The following NTM variants were observed in gnomAD, a reference collection of about 807,000 sequenced individuals.
The protein encoded by NTM is IgLON family member 2.
Under a neutral mutation model 42.1 loss-of-function variants are expected in NTM, and 13 were observed. That is an observed-to-expected ratio of 0.31 (90% CI 0.20 to 0.49). NTM has a LOEUF of 0.49. Ranked by LOEUF, NTM falls within the 20% of genes least tolerant of loss-of-function variation. NTM has a pLI of 0.99. For missense variants in NTM, 373 were observed against 452.8 expected (o/e 0.82, Z 1.60); for synonymous variants, 187 against 179.2 (o/e 1.04, Z -0.35).
intron 1 of NTM, among the ~76,000 whole-genome samples, chr11:131,691,326 G>T (rs1317264842): frequency 6.6e-6 from 1 of 152,222 alleles, no homozygotes; most frequent in African/African-American, 2.4e-5. Flanking sequence ...TCGCCCCTGT[G>T]GGTCTGGGCC....
intron 1 of NTM, among the ~76,000 whole-genome samples, chr11:131,489,591 A>G (rs1449393545): frequency 6.6e-6 from 1 of 152,204 alleles, no homozygotes; most frequent in Non-Finnish European, 1.5e-5. Context: ...CTTCAGCCAC[A>G]GCTTTGATTT....
chr11:131,602,492 A>G (rs895859123), intron 1 of NTM, among the ~76,000 whole-genome samples: 2 of 152,200 alleles, frequency 1.3e-5, no homozygotes, highest in South Asian at 2.1e-4. Context: ...CACTCCCCAT[A>G]GAGTTCCCAG....
chr11:132,318,239 G>C (rs1049851512), intron 7 of NTM, among the ~76,000 whole-genome samples: 1 of 152,154 alleles, frequency 6.6e-6, no homozygotes, highest in South Asian at 2.1e-4. Context: ...GTAGCTCTTT[G>C]GTCTTGGGTG....
At chr11:131,436,563 A>G (rs1343621225) in intron 1 of NTM, among the ~76,000 whole-genome samples, 4 of 152,004 alleles carry the variant, frequency 2.6e-5, no homozygotes, top group Admixed American at 6.5e-5. Flanking sequence ...TTTCTAGTTT[A>G]TTTGCGTAGA....
At chr11:131,991,812 ACAGCAGGTC>A (rs2067073355) in intron 2 of NTM, among the ~76,000 whole-genome samples, 1 of 152,210 alleles carries the variant, frequency 6.6e-6, no homozygotes. Flanking sequence ...CAGGCAAGAA[ACAGCAGGTC>A]CAGGCATGCA....
chr11:132,135,127 C>T (rs2067644588), intron 2 of NTM, among the ~76,000 whole-genome samples: 1 of 152,150 alleles, frequency 6.6e-6, no homozygotes, highest in Non-Finnish European at 1.5e-5. Flanking sequence ...GTGTCAGTGT[C>T]CCAGGAGACA....
At chr11:132,328,289 G>C (rs1244451777) in intron 7 of NTM, among the ~76,000 whole-genome samples, 1 of 152,158 alleles carries the variant, frequency 6.6e-6, no homozygotes, top group Non-Finnish European at 1.5e-5. Flanking sequence ...CCCTCTAGTT[G>C]ACTGGAAAGG....
intron 2 of NTM, among the ~76,000 whole-genome samples, chr11:131,999,045 A>G (rs1203999105): frequency 4.6e-5 from 7 of 152,132 alleles, no homozygotes; most frequent in Admixed American, 3.9e-4. Context: ...CTGAACTGCC[A>G]TGCTGACAAC....
intron 1 of NTM, among the ~76,000 whole-genome samples, chr11:131,425,516 A>G (rs143443610): frequency 1.3e-5 from 2 of 152,358 alleles, no homozygotes; most frequent in East Asian, 1.9e-4. Flanking sequence ...CCCTGAAGCC[A>G]GGGTCGAATA....
At chr11:131,854,676 G>A (rs1031479693) in intron 1 of NTM, among the ~76,000 whole-genome samples, 3 of 152,180 alleles carry the variant, frequency 2.0e-5, no homozygotes, top group African/African-American at 7.2e-5. Flanking sequence ...GCCACGATAA[G>A]GAGTTTGGAT....
chr11:131,479,566 G>A (rs762589587), intron 1 of NTM, among the ~76,000 whole-genome samples: 44 of 152,196 alleles, frequency 2.9e-4, no homozygotes, highest in Non-Finnish European at 3.8e-4. Flanking sequence ...CTCACCTTGG[G>A]CCCTAGAGAG....
At chr11:132,174,065 C>A (rs746214590) in intron 3 of NTM, among the ~76,000 whole-genome samples, 2 of 152,052 alleles carry the variant, frequency 1.3e-5, no homozygotes, top group African/African-American at 2.4e-5. Context: ...CTGCCTTCAA[C>A]GGAGGGAAGC....
chr11:132,277,481 T>G (rs995028745), intron 4 of NTM, among the ~76,000 whole-genome samples: 1 of 152,186 alleles, frequency 6.6e-6, no homozygotes, highest in African/African-American at 2.4e-5. Flanking sequence ...CCTTTGCAGA[T>G]TTTCCTCTAA....
At chr11:131,911,125 C>A (rs1347018961) in intron 1 of NTM, 17 of 1,237,692 alleles carry the variant, frequency 1.4e-5, no homozygotes, top group Non-Finnish European at 1.7e-5. Context: ...TCCAAAGTGC[C>A]GTGTCTGAAC....
chr11:131,508,586 G>A lies in NTM; in HGVS notation c.82+137698G>A, dbSNP rs1165536043. 4.3e-4 allele frequency among the ~76,000 whole-genome samples: 61 copies of A among 140,760 alleles called. 1 individual carries two copies. Among genetic ancestry groups the A allele is most frequent in the Admixed American group, 2.3e-3 (32 of 13,896 alleles). 92.3% of individuals were successfully genotyped at this position (140,760 alleles called of 152,430 possible). A position where few individuals can be genotyped will look rare whatever the true frequency, so the allele number is the denominator to read the frequency against. ...TGCTGCTATAAAGACACATGCACAC[G>A]TATGTTTATTGTGGCATTATTCACA... On this transcript the variant is annotated intron_variant, in intron 1 of 8. Coordinates refer to ENST00000683400, the MANE Select transcript of NTM (RefSeq NM_001352005.2).
At chr11:132,053,356 C>A (rs2079130030) in intron 2 of NTM, among the ~76,000 whole-genome samples, 1 of 152,166 alleles carries the variant, frequency 6.6e-6, no homozygotes, top group Non-Finnish European at 1.5e-5. Flanking sequence ...TGTGAGGTCA[C>A]CCATAGATGA....
chr11:131,716,451 T>G (rs1281451891), intron 1 of NTM, among the ~76,000 whole-genome samples: 2 of 152,190 alleles, frequency 1.3e-5, no homozygotes, highest in African/African-American at 4.8e-5. Context: ...ATTCCCTGTT[T>G]TCCAAAATGG....
chr11:132,202,553 TA>T (rs2138491258), intron 3 of NTM, among the ~76,000 whole-genome samples: 1 of 152,296 alleles, frequency 6.6e-6, no homozygotes, highest in South Asian at 2.1e-4. Context: ...GTTTCCATGT[TA>T]AAAAATTGAT....
chr11:131,878,530 G>T (rs1164475706), intron 1 of NTM, among the ~76,000 whole-genome samples: 1 of 130,944 alleles, frequency 7.6e-6, no homozygotes, highest in African/African-American at 3.0e-5. Flanking sequence ...AGATGGCACC[G>T]CTGCACTCCA....
Sources: gnomAD v4.1 joint callset for allele counts (sites outside exome capture counted in the v4.1 genomes callset) on GRCh38, gnomAD v4.1.1 for gene constraint, MANE v1.5 for transcripts, NCBI Gene and HGNC (gene_info 2026-07-23, HGNC 2026-07-21) for gene names.